TMEM231: variants seen among roughly 807,000 people sequenced by gnomAD.
TMEM231 encodes the protein transmembrane protein 231.
Under a neutral mutation model 38.5 loss-of-function variants are expected in TMEM231, and 40 were observed. The observed-to-expected ratio is 1.04, with a 90% CI of 0.81 to 1.35. The LOEUF (loss-of-function observed/expected upper bound fraction) is 1.35. Among genes scored for constraint, TMEM231 ranks in the 40% most tolerant of loss-of-function variants. The pLI, the probability that TMEM231 is intolerant of heterozygous loss-of-function variation, is 0.00. For missense variants in TMEM231, 420 were observed against 416.9 expected, an observed-to-expected ratio of 1.01 and a Z score of -0.07; for synonymous variants, 199 against 181.7, an observed-to-expected ratio of 1.10 and a Z score of -0.77.
At chr16:75,545,732 C>CG (rs1419232204) in intron 3 of TMEM231, 94 bp downstream of exon 3, 23 of 617,878 alleles carry the variant, frequency 3.7e-5, no homozygotes, top group Non-Finnish European at 5.4e-5. Context: ...GAAGAGGGCC[C>CG]GCTAGAGTGC....
chr16:75,547,193 A>G (rs1458505143), intron 2 of TMEM231, among the ~76,000 whole-genome samples: 3 of 152,290 alleles, frequency 2.0e-5, no homozygotes, highest in Non-Finnish European at 2.9e-5. Context: ...CAATTCTACT[A>G]TCGTGTAGCA....
At position 75,552,584 on chromosome 16, in the gene TMEM231, C is replaced by T. The variant is rs190330217; in HGVS notation, c.309+3220G>A. On this transcript the variant is annotated intron_variant, in intron 2 of 6. Coordinates refer to ENST00000258173, the MANE Select transcript of TMEM231 (RefSeq NM_001077418.3). ...AGCCTCTCAAACTTTCCCTTACTTG[C>T]TCTCCATTCAATTCAGGGGTTAAAA... 9.7e-4 allele frequency among the ~76,000 whole-genome samples: 148 copies of T among 152,280 alleles called. 1 individual carries two copies. Among genetic ancestry groups the T allele is most frequent in the African/African-American group, 3.3e-3 (138 of 41,568 alleles).
chr16:75,541,504 C>T, intron 5 of TMEM231, 49 bp from the exon 6 acceptor site: 1 of 1,251,864 alleles, frequency 8.0e-7, no homozygotes, highest in Non-Finnish European at 1.1e-6. Context: ...TTGACTCTGG[C>T]AGTTGAAGGC....
chr16:75,554,762 A>G (rs2080793833), intron 2 of TMEM231, among the ~76,000 whole-genome samples: 1 of 152,194 alleles, frequency 6.6e-6, no homozygotes, highest in Non-Finnish European at 1.5e-5. Flanking sequence ...ATCAGAATAT[A>G]AGAACATTTA....
chr16:75,556,245 C>G lies in TMEM231; in HGVS notation c.-36G>C, dbSNP rs776761536. The G allele has an allele frequency of 7.9e-6, 11 of 1,391,308 alleles. No homozygotes were observed. Among genetic ancestry groups the G allele is most frequent in the Non-Finnish European group, 1.0e-5 (11 of 1,076,670 alleles). 86.2% of individuals were successfully genotyped at this position (1,391,308 alleles called of 1,614,324 possible). A position where few individuals can be genotyped will look rare whatever the true frequency, so the allele number is the denominator to read the frequency against. On this transcript the variant is annotated 5_prime_UTR_variant, in exon 1 of 7. Transcript: ENST00000258173. ...CGCAGGCACTCCGCGAGCCGGGGGA[C>G]CAAGTTTGGCTTCTCCTGGTTGCCA... is the stretch of plus-strand genomic sequence containing the variant.
chr16:75,556,226 C>T lies in TMEM231; in HGVS notation c.-17G>A, dbSNP rs768513169. ...GAGCGCCATGAGCACCGCTCGCAGG[C>T]ACTCCGCGAGCCGGGGGACCAAGTT... On this transcript the variant is annotated 5_prime_UTR_variant, in exon 1 of 7. Transcript: ENST00000258173. 27 of 1,392,748 alleles carry T rather than the reference C, an allele frequency of 1.9e-5. No individual in the cohort carries two copies. In the East Asian group the frequency reaches 4.7e-4, roughly 24 times the overall value. 86.3% of individuals were successfully genotyped at this position (1,392,748 alleles called of 1,614,324 possible). A position where few individuals can be genotyped will look rare whatever the true frequency, so the allele number is the denominator to read the frequency against.
intron 4 of TMEM231, among the ~76,000 whole-genome samples, chr16:75,544,949 C>CTTT (rs71134720): frequency 4.5e-5 from 4 of 89,596 alleles, no homozygotes; most frequent in Admixed American, 1.2e-4. Context: ...TTTTCTTTTT[C>CTTT]TTTTTTTTTT....
At chr16:75,548,081 C>T (rs779099825) in intron 2 of TMEM231, among the ~76,000 whole-genome samples, 7 of 152,124 alleles carry the variant, frequency 4.6e-5, no homozygotes, top group Non-Finnish European at 8.8e-5. Flanking sequence ...TTTCCCATTA[C>T]ACAGATGACA....
chr16:75,554,690 A>G (rs965406631), intron 2 of TMEM231, among the ~76,000 whole-genome samples: 3 of 152,216 alleles, frequency 2.0e-5, no homozygotes, highest in African/African-American at 7.2e-5. Context: ...TGAGCCTTCA[A>G]TTTCTGTCAT....
intron 5 of TMEM231, chr16:75,541,753 G>C (rs1013302123): frequency 1.0e-5 from 2 of 197,862 alleles, no homozygotes; most frequent in Non-Finnish European, 2.0e-5. Flanking sequence ...CTTTGTAGCT[G>C]TGTGGGGAAG....
Position 75,539,927 on chromosome 16 carries a change from C to G in TMEM231, c.*67G>C. On this transcript the variant is annotated 3_prime_UTR_variant, in exon 7 of 7. Coordinates refer to ENST00000258173, the MANE Select transcript of TMEM231 (RefSeq NM_001077418.3). Reference sequence around the variant, plus strand: ...GTCCGCTGGGCTCTTTCAAAAGGTCCTAAGATGTTCCCAGAAGATGACAAT... The same window carrying G: ...GTCCGCTGGGCTCTTTCAAAAGGTCGTAAGATGTTCCCAGAAGATGACAAT... 4 of 1,451,406 alleles carry G rather than the reference C, an allele frequency of 2.8e-6. No individual in the cohort carries two copies. The highest frequency in any genetic ancestry group is 2.8e-6 in the Non-Finnish European group (3 of 1,070,676). 89.9% of individuals were successfully genotyped at this position (1,451,406 alleles called of 1,614,324 possible). A position where few individuals can be genotyped will look rare whatever the true frequency, so the allele number is the denominator to read the frequency against.
At chr16:75,555,762 C>T (rs1005930418) in intron 2 of TMEM231, 42 bp downstream of exon 2, 15 of 1,466,126 alleles carry the variant, frequency 1.0e-5, no homozygotes, top group African/African-American at 4.3e-5. Flanking sequence ...CATCCCCACC[C>T]TATCCCCGAC....
At chr16:75,544,629 A>G (rs1306095279) in intron 4 of TMEM231, among the ~76,000 whole-genome samples, 1 of 152,204 alleles carries the variant, frequency 6.6e-6, no homozygotes, top group Admixed American at 6.5e-5. Flanking sequence ...TGAGTTCAGT[A>G]AACTATGGCT....
chr16:75,544,665 T>C, intron 4 of TMEM231, among the ~76,000 whole-genome samples: 1 of 152,232 alleles, frequency 6.6e-6, no homozygotes, highest in East Asian at 1.9e-4. Flanking sequence ...ATACTTTACA[T>C]GAACATTTTA....
chr16:75,537,937 A>G lies in TMEM231; in HGVS notation c.*2057T>C, dbSNP rs2080577240. 6.6e-6 allele frequency: 1 copy of G among 152,194 alleles called. No homozygotes were observed. The highest frequency in any genetic ancestry group is 1.5e-5 in the Non-Finnish European group (1 of 68,040). The allele number at this position is 152,194 out of a possible 1,614,324, so 9.4% of individuals were successfully genotyped here. A position where few individuals can be genotyped will look rare whatever the true frequency, so the allele number is the denominator to read the frequency against. On this transcript the variant is annotated 3_prime_UTR_variant, in exon 7 of 7. Transcript: ENST00000258173. ...GGCATGTGAATCCCACTGAAAACTC[A>G]TCTACCTGGGGAAGAACTAGGGGAC...
Position 75,540,066 on chromosome 16 carries a change from C to T in TMEM231, c.879G>A (p.Gln293=). 2 of 1,613,778 alleles carry T rather than the reference C, an allele frequency of 1.2e-6. No homozygotes were observed. The highest frequency in any genetic ancestry group is 1.7e-6 in the Non-Finnish European group (2 of 1,179,740). Residue 293 remains glutamine, a synonymous_variant, in exon 7 of 7, where the codon CAG becomes CAA. Coordinates refer to ENST00000258173, the MANE Select transcript of TMEM231 (RefSeq NM_001077418.3). ...CAGGAATGGTGGTCACCACCTGATT[C>T]TGAAACACGAAGATCTTGATTCTTT... ...VFERIKIFVF[Q]NQVVTTIPVT... is the part of the protein sequence containing the mutation.
intron 2 of TMEM231, among the ~76,000 whole-genome samples, chr16:75,547,188 C>T (rs1033364414): frequency 9.2e-5 from 14 of 152,324 alleles, no homozygotes; most frequent in Admixed American, 7.2e-4. Flanking sequence ...CAGAACAATT[C>T]TACTATCGTG....
chr16:75,542,287 G>C (rs61539645), intron 5 of TMEM231, among the ~76,000 whole-genome samples: 21,636 of 151,290 alleles, frequency 0.14, 3,147 homozygotes, highest in East Asian at 0.72. Flanking sequence ...GTGTGGATAG[G>C]TGTGGTATGG....
chr16:75,547,274 A>C (rs1470065983), intron 2 of TMEM231, among the ~76,000 whole-genome samples: 1 of 152,178 alleles, frequency 6.6e-6, no homozygotes, highest in Non-Finnish European at 1.5e-5. Flanking sequence ...TAAGGAAGAG[A>C]TTTTTTGTGT....
Sources: allele counts gnomAD v4.1 joint callset (sites outside exome capture counted in the v4.1 genomes callset), GRCh38; gene constraint gnomAD v4.1.1; transcripts MANE v1.5; gene names NCBI Gene and HGNC (gene_info 2026-07-23, HGNC 2026-07-21).